Variants in MTF2 observed in about 807,000 individuals in gnomAD.
The protein encoded by MTF2 is metal-response element-binding transcription factor 2.
A neutral mutation model predicts 79.5 loss-of-function variants in MTF2; 11 were observed. The observed-to-expected ratio is 0.14, with a 90% CI of 0.09 to 0.23. The LOEUF (loss-of-function observed/expected upper bound fraction) is 0.23, where lower values mean the gene tolerates loss of function less well. Among genes scored for constraint, MTF2 ranks in the 10% least tolerant of loss-of-function variants. The pLI is 1.00. For missense variants in MTF2, 486 were observed against 711.2 expected, an observed-to-expected ratio of 0.68 and a Z score of 3.60; for synonymous variants, 208 against 232.8, an observed-to-expected ratio of 0.89 and a Z score of 0.97.
intron 1 of MTF2, among the ~76,000 whole-genome samples, chr1:93,106,482 G>A (rs1655793841): frequency 6.6e-6 from 1 of 151,156 alleles, no homozygotes; most frequent in Non-Finnish European, 1.5e-5. Flanking sequence ...TTAACTGAAG[G>A]GATGCAAAAT....
intron 9 of MTF2, among the ~76,000 whole-genome samples, chr1:93,124,987 T>C (rs1398272144): frequency 6.6e-6 from 1 of 151,976 alleles, no homozygotes; most frequent in East Asian, 1.9e-4. Context: ...TTTGGCACTT[T>C]TATGGTAGCT....
chr1:93,095,005 C>T (rs930495647), intron 1 of MTF2, among the ~76,000 whole-genome samples: 4 of 152,042 alleles, frequency 2.6e-5, no homozygotes, highest in Non-Finnish European at 5.9e-5. Context: ...AGATGTGACT[C>T]GGGGGTTCCA....
At chr1:93,105,589 A>G (rs1010609927) in intron 1 of MTF2, among the ~76,000 whole-genome samples, 1 of 152,210 alleles carries the variant, frequency 6.6e-6, no homozygotes, top group Non-Finnish European at 1.5e-5. Context: ...TTACCTCTAT[A>G]TATCTACTGC....
chr1:93,129,223 A>G (rs185927830), intron 10 of MTF2, 55 bp from the exon 11 acceptor site: 2 of 1,248,148 alleles, frequency 1.6e-6, no homozygotes, highest in Admixed American at 2.5e-5. Context: ...GTTAGGGTCT[A>G]CTATGTATAT....
At chr1:93,099,799 G>A (rs1453896363) in intron 1 of MTF2, among the ~76,000 whole-genome samples, 1 of 151,992 alleles carries the variant, frequency 6.6e-6, no homozygotes, top group African/African-American at 2.4e-5. Flanking sequence ...AGTTACATGT[G>A]GAAAAAAGAT....
intron 9 of MTF2, chr1:93,121,607 G>A: frequency 1.0e-6 from 1 of 975,614 alleles, no homozygotes; most frequent in Non-Finnish European, 1.2e-6. Flanking sequence ...AGAACATAAT[G>A]CATGATTTAG....
At chr1:93,127,751 T>A (rs1174251319) in intron 10 of MTF2, among the ~76,000 whole-genome samples, 1 of 152,146 alleles carries the variant, frequency 6.6e-6, no homozygotes, top group Non-Finnish European at 1.5e-5. Flanking sequence ...CTGAGTAGTC[T>A]AAGATAATTA....
chr1:93,088,965 AAC>A (rs1231716332), intron 1 of MTF2, among the ~76,000 whole-genome samples: 1 of 152,228 alleles, frequency 6.6e-6, no homozygotes, highest in Admixed American at 6.5e-5. Flanking sequence ...TTTTGGTAGA[AAC>A]ACAAACATAC....
At chr1:93,096,581 TTC>T (rs1359747047) in intron 1 of MTF2, among the ~76,000 whole-genome samples, 1 of 151,944 alleles carries the variant, frequency 6.6e-6, no homozygotes, top group Non-Finnish European at 1.5e-5. Flanking sequence ...GGGGCTTATT[TTC>T]TTTTTTCTTC....
chr1:93,104,927 C>T (rs1039994128), intron 1 of MTF2, among the ~76,000 whole-genome samples: 2 of 151,948 alleles, frequency 1.3e-5, no homozygotes, highest in Non-Finnish European at 2.9e-5. Context: ...GAGGCCGAGG[C>T]AGGCAGATCA....
rs536032772 is a variant in MTF2 at position 93,093,175 on chromosome 1, C to CT, written c.5+13645dup. On this transcript the variant is annotated intron_variant, in intron 1 of 14. Coordinates refer to ENST00000370298, the MANE Select transcript of MTF2 (RefSeq NM_007358.4). ...CCAGTGTGGGCGACAGAGTGAGACTCTGTCTCAAAAAAAAAAAAAATTTAA... is the reference window on the plus strand; with the variant it reads ...CCAGTGTGGGCGACAGAGTGAGACTCTTGTCTCAAAAAAAAAAAAAATTTAA... Among the ~76,000 whole-genome samples the CT allele has an allele frequency of 8.0e-5, 12 of 150,200 alleles. No individual in the cohort carries two copies. In the South Asian group the frequency reaches 2.3e-3, roughly 29 times the overall value.
At chr1:93,115,718 T>C in intron 6 of MTF2, 100 bp downstream of exon 6, 1 of 914,454 alleles carries the variant, frequency 1.1e-6, no homozygotes, top group Non-Finnish European at 1.5e-6. Context: ...TGCAACTGCA[T>C]GAACACATCA....
At chr1:93,119,490 A>C in intron 8 of MTF2, 89 bp downstream of exon 8, 1 of 941,740 alleles carries the variant, frequency 1.1e-6, no homozygotes, top group Non-Finnish European at 1.6e-6. Flanking sequence ...ACTTGGCTTA[A>C]GTAAAAATAG....
At chr1:93,115,951 A>G (rs1204118242) in intron 6 of MTF2, among the ~76,000 whole-genome samples, 3 of 152,236 alleles carry the variant, frequency 2.0e-5, no homozygotes, top group African/African-American at 7.2e-5. Context: ...GTGATTGACC[A>G]TTTAGAAACT....
intron 11 of MTF2, among the ~76,000 whole-genome samples, chr1:93,133,136 C>T (rs948006271): frequency 3.3e-5 from 5 of 151,968 alleles, no homozygotes; most frequent in African/African-American, 1.2e-4. Flanking sequence ...GGATTTCTTA[C>T]TCCTTTCTCC....
chr1:93,099,228 C>T (rs1461034656), intron 1 of MTF2, among the ~76,000 whole-genome samples: 1 of 152,166 alleles, frequency 6.6e-6, no homozygotes, highest in East Asian at 1.9e-4. Context: ...TTTATATAAC[C>T]TCAATCTTAA....
At chr1:93,086,774 A>G (rs1236599361) in intron 1 of MTF2, among the ~76,000 whole-genome samples, 4 of 152,176 alleles carry the variant, frequency 2.6e-5, no homozygotes, top group African/African-American at 4.8e-5. Flanking sequence ...TCTATGTGAT[A>G]AATACAGAGC....
At chr1:93,082,327 C>G (rs1654641120) in intron 1 of MTF2, among the ~76,000 whole-genome samples, 1 of 149,470 alleles carries the variant, frequency 6.7e-6, no homozygotes, top group African/African-American at 2.5e-5. Context: ...GTCACCCAGG[C>G]TGGAGTGAAG....
chr1:93,101,071 A>G (rs2101040930), intron 1 of MTF2, among the ~76,000 whole-genome samples: 1 of 152,354 alleles, frequency 6.6e-6, no homozygotes, highest in Non-Finnish European at 1.5e-5. Flanking sequence ...CACTAGGAGA[A>G]CAGATTGAGG....
Sources: gnomAD v4.1 joint callset for allele counts (sites outside exome capture counted in the v4.1 genomes callset) on GRCh38, gnomAD v4.1.1 for gene constraint, MANE v1.5 for transcripts, NCBI Gene and HGNC (gene_info 2026-07-23, HGNC 2026-07-21) for gene names.